LRP1B: variants seen among roughly 807,000 people sequenced by gnomAD.
LRP1B encodes LDL receptor related protein 1B, also known as low-density lipoprotein receptor-related protein 1B.
LRP1B carries 217 observed loss-of-function variants against 556.6 expected under a neutral mutation model. The ratio of observed to expected loss-of-function variants is 0.39; its 90% CI spans 0.35 to 0.44. The LOEUF is 0.44. Among genes scored for constraint, LRP1B ranks in the 20% least tolerant of loss-of-function variants. The probability of loss-of-function intolerance (pLI) is 1.00; values close to 1 mark genes in which losing one functional copy is unlikely to be tolerated. For synonymous variants in LRP1B, 2,047 were observed against 1,865.8 expected (o/e 1.10, Z -2.50); for missense variants, 5,053 against 5,620.8 (o/e 0.90, Z 3.23).
At position 141,159,924 on chromosome 2, in the gene LRP1B, T is replaced by C. The variant is rs1246841416; in HGVS notation, c.1013+28497A>G. On this transcript the variant is annotated intron_variant, in intron 7 of 90. Transcript: ENST00000389484. ...ACCAAACACTGCATGTTCTCACTTA[T>C]AAGTGGGAACTGAACATTGAGAACA... Among the ~76,000 whole-genome samples the C allele has an allele frequency of 4.6e-5, 7 of 152,106 alleles. No individual in the cohort carries two copies. The East Asian group carries it at 1.2e-3, about 25-fold the overall frequency.
At chr2:141,435,999 TA>T (rs1159446579) in intron 3 of LRP1B, among the ~76,000 whole-genome samples, 5 of 152,172 alleles carry the variant, frequency 3.3e-5, no homozygotes, top group African/African-American at 1.2e-4. Context: ...ATAATTTCCA[TA>T]ACATGGAGCT....
At chr2:140,301,895 GTA>G (rs1238296744) in intron 83 of LRP1B, among the ~76,000 whole-genome samples, 2 of 151,692 alleles carry the variant, frequency 1.3e-5, no homozygotes, top group East Asian at 3.9e-4. Flanking sequence ...GTATGTGTGT[GTA>G]TATATACACA....
At chr2:141,977,561 C>CA (rs1017374340) in intron 1 of LRP1B, among the ~76,000 whole-genome samples, 5 of 151,330 alleles carry the variant, frequency 3.3e-5, no homozygotes, top group South Asian at 2.1e-4. Flanking sequence ...GACTTCATCT[C>CA]AAAAAAAAGT....
chr2:141,609,141 A>G (rs1422236764), intron 2 of LRP1B, among the ~76,000 whole-genome samples: 1 of 152,238 alleles, frequency 6.6e-6, no homozygotes, highest in Non-Finnish European at 1.5e-5. Context: ...TCAACAAAAC[A>G]ATAAATAAAA....
chr2:141,204,359 G>A (rs557052076), intron 6 of LRP1B, among the ~76,000 whole-genome samples: 1 of 152,294 alleles, frequency 6.6e-6, no homozygotes, highest in Admixed American at 6.5e-5. Context: ...GAGGCATCCT[G>A]AAAGTTGTTA....
chr2:141,237,740 C>A (rs993908877), intron 5 of LRP1B, among the ~76,000 whole-genome samples: 1 of 152,092 alleles, frequency 6.6e-6, no homozygotes, highest in African/African-American at 2.4e-5. Flanking sequence ...CGACAAAAGA[C>A]AATAACATCA....
At chr2:141,474,844 G>GT (rs961232318) in intron 3 of LRP1B, among the ~76,000 whole-genome samples, 1 of 151,928 alleles carries the variant, frequency 6.6e-6, no homozygotes, top group African/African-American at 2.4e-5. Context: ...ATATGTCAGA[G>GT]TTTTTTTTCT....
Position 141,867,628 on chromosome 2 carries a change from A to G in LRP1B, c.83-57227T>C, listed in dbSNP as rs974435179. Among the ~76,000 whole-genome samples the G allele has an allele frequency of 2.6e-5, 4 of 152,276 alleles. No individual in the cohort carries two copies. The East Asian group carries it at 7.7e-4, about 29-fold the overall frequency. ...CATTTTTATCAGCGTTATGCTTACA[A>G]TAAGGTTTAGGATGCATTGCCTCTT... On this transcript the variant is annotated intron_variant, in intron 1 of 90. Coordinates refer to ENST00000389484, the MANE Select transcript of LRP1B (RefSeq NM_018557.3).
chr2:141,839,254 T>A (rs112692803), intron 1 of LRP1B, among the ~76,000 whole-genome samples: 329 of 152,296 alleles, frequency 2.2e-3, no homozygotes, highest in Middle Eastern at 0.01. Flanking sequence ...GTGTTACTGC[T>A]ACACATGTAC....
At chr2:140,693,258 G>T (rs1319800248) in intron 41 of LRP1B, among the ~76,000 whole-genome samples, 1 of 152,054 alleles carries the variant, frequency 6.6e-6, no homozygotes, top group South Asian at 2.1e-4. Context: ...GTGATATTTT[G>T]CTCTTCTATG....
intron 60 of LRP1B, among the ~76,000 whole-genome samples, chr2:140,466,880 C>A (rs1348508792): frequency 6.6e-6 from 1 of 152,080 alleles, no homozygotes; most frequent in African/African-American, 2.4e-5. Context: ...ACCTACCTGC[C>A]TAAAATATCT....
intron 41 of LRP1B, among the ~76,000 whole-genome samples, chr2:140,649,896 A>T: frequency 6.6e-6 from 1 of 152,244 alleles, no homozygotes; most frequent in East Asian, 1.9e-4. Context: ...GTGCTAATGT[A>T]TCCATACTAT....
rs1050696568 is a variant in LRP1B at position 141,963,771 on chromosome 2, G to T, written c.83-153370C>A. Among the ~76,000 whole-genome samples, 3 of 147,076 alleles carry T rather than the reference G, an allele frequency of 2.0e-5. No homozygotes were observed. In the East Asian group the frequency reaches 6.0e-4, roughly 30 times the overall value. ...CAATCAGGCAGGAGAAGGAAATAAAGGGTATTCAGTTAGGAAAAGAGGAAG... is the reference window on the plus strand; with the variant it reads ...CAATCAGGCAGGAGAAGGAAATAAATGGTATTCAGTTAGGAAAAGAGGAAG... On this transcript the variant is annotated intron_variant, in intron 1 of 90. Transcript: ENST00000389484.
chr2:141,503,226 A>G (rs1305385620), intron 2 of LRP1B, among the ~76,000 whole-genome samples: 4 of 138,658 alleles, frequency 2.9e-5, no homozygotes, highest in African/African-American at 1.1e-4. Context: ...TATAAGATAT[A>G]CAATATACAA....
intron 2 of LRP1B, among the ~76,000 whole-genome samples, chr2:141,483,410 C>CTG (rs1381329113): frequency 4.9e-5 from 6 of 123,126 alleles, no homozygotes; most frequent in Non-Finnish European, 9.1e-5. Context: ...GTGAATAGTG[C>CTG]CACTATAAAC....
At chr2:141,291,066 A>G (rs1685926342) in intron 3 of LRP1B, among the ~76,000 whole-genome samples, 1 of 152,194 alleles carries the variant, frequency 6.6e-6, no homozygotes, top group African/African-American at 2.4e-5. Flanking sequence ...CTAATTTTGT[A>G]ATCAAAAATA....
intron 65 of LRP1B, among the ~76,000 whole-genome samples, chr2:140,443,014 T>C (rs1686496687): frequency 6.6e-6 from 1 of 152,074 alleles, no homozygotes; most frequent in South Asian, 2.1e-4. Flanking sequence ...AGGCATTAAG[T>C]GAATAAGGAA....
chr2:141,375,465 G>A (rs1689392473), intron 3 of LRP1B, among the ~76,000 whole-genome samples: 2 of 152,060 alleles, frequency 1.3e-5, no homozygotes, highest in African/African-American at 4.8e-5. Context: ...CAGTAGCAGT[G>A]GTGGAGCAAC....
intron 3 of LRP1B, among the ~76,000 whole-genome samples, chr2:141,359,595 A>T (rs7582600): frequency 2.2e-4 from 33 of 151,928 alleles, no homozygotes; most frequent in African/African-American, 8.0e-4. Flanking sequence ...ATCTTTACTA[A>T]AAATACAAAA....
Sources: allele counts gnomAD v4.1 joint callset (sites outside exome capture counted in the v4.1 genomes callset), GRCh38; gene constraint gnomAD v4.1.1; transcripts MANE v1.5; gene names NCBI Gene and HGNC (gene_info 2026-07-23, HGNC 2026-07-21).